The following ANK2 variants were observed in gnomAD, a reference collection of about 807,000 sequenced individuals.
ANK2 encodes ankyrin 2.
Under a neutral mutation model 360.5 loss-of-function variants are expected in ANK2, and 83 were observed. The observed-to-expected ratio is 0.23, with a 90% confidence interval of 0.19 to 0.28. The LOEUF (loss-of-function observed/expected upper bound fraction) is 0.28. Ranked by LOEUF, ANK2 falls within the 10% of genes least tolerant of loss-of-function variation. ANK2 has a pLI of 1.00. For synonymous variants in ANK2, 1,740 were observed against 1,759.5 expected (o/e 0.99, Z 0.28); for missense variants, 4,201 against 4,795.7 (o/e 0.88, Z 3.66).
intron 26 of ANK2, among the ~76,000 whole-genome samples, chr4:113,322,175 G>A (rs2086660670): frequency 6.6e-6 from 1 of 152,044 alleles, no homozygotes; most frequent in Non-Finnish European, 1.5e-5. Flanking sequence ...AAGCAGTATT[G>A]GTGATTTTAT....
chr4:112,915,070 G>T (rs1003781500), intron 2 of ANK2, among the ~76,000 whole-genome samples: 2 of 152,130 alleles, frequency 1.3e-5, no homozygotes, highest in African/African-American at 4.8e-5. Context: ...ACTAAATTTA[G>T]GGCCTATATG....
intron 1 of ANK2, among the ~76,000 whole-genome samples, chr4:112,878,722 C>T (rs1460356496): frequency 6.6e-6 from 1 of 152,124 alleles, no homozygotes; most frequent in African/African-American, 2.4e-5. Flanking sequence ...CAAGCTCCGC[C>T]TCTCGTGTTC....
At chr4:113,231,101 G>A (rs952628962) in intron 4 of ANK2, among the ~76,000 whole-genome samples, 1 of 151,032 alleles carries the variant, frequency 6.6e-6, no homozygotes, top group African/African-American at 2.4e-5. Context: ...ACCCAGGCTG[G>A]AGTGCAGTGG....
chr4:112,765,925 T>A, the ANK2 span, among the ~76,000 whole-genome samples: 9 of 152,332 alleles, frequency 5.9e-5, no homozygotes, highest in Non-Finnish European at 1.2e-4. Flanking sequence ...AAGAATTATC[T>A]TACCTAAAAT....
intron 1 of ANK2, among the ~76,000 whole-genome samples, chr4:112,885,810 A>AAT (rs2078197042): frequency 6.6e-6 from 1 of 151,150 alleles, no homozygotes; most frequent in Admixed American, 6.6e-5. Context: ...AAAAAAAAAA[A>AAT]AAAAAAAAAA....
At chr4:113,367,524 T>C in intron 41 of ANK2, 42 bp from the exon 42 acceptor site, 1 of 1,584,676 alleles carries the variant, frequency 6.3e-7, no homozygotes, top group Non-Finnish European at 8.7e-7. Context: ...CCATTCAATA[T>C]AGGTAAGCTT....
chr4:112,823,448 A>T (rs2057667477), intron 1 of ANK2, among the ~76,000 whole-genome samples: 1 of 152,158 alleles, frequency 6.6e-6, no homozygotes, highest in Non-Finnish European at 1.5e-5. Flanking sequence ...TTTAAGCTTC[A>T]GGTTATGGAG....
At chr4:113,197,735 A>G (rs945071097) in intron 3 of ANK2, among the ~76,000 whole-genome samples, 2 of 152,272 alleles carry the variant, frequency 1.3e-5, no homozygotes, top group African/African-American at 4.8e-5. Flanking sequence ...ACAAACTAAC[A>G]ACTGGCAATT....
At chr4:113,317,596 G>C (rs898607146) in intron 24 of ANK2, 111 bp from the exon 25 acceptor site, 2 of 784,924 alleles carry the variant, frequency 2.5e-6, no homozygotes, top group Non-Finnish European at 4.5e-6. Context: ...TGGAAGTTGT[G>C]CTGTTAGCTA....
chr4:113,362,929 A>G (rs149277742), intron 39 of ANK2, among the ~76,000 whole-genome samples: 2 of 152,340 alleles, frequency 1.3e-5, no homozygotes, highest in East Asian at 3.9e-4. Context: ...AACAGGATTT[A>G]TAATACTCAA....
intron 1 of ANK2, among the ~76,000 whole-genome samples, chr4:112,863,623 C>T (rs1432865051): frequency 5.3e-5 from 8 of 149,668 alleles, no homozygotes; most frequent in Admixed American, 4.7e-4. Context: ...CCCGGGTTCA[C>T]GCCATTCTCC....
At chr4:113,348,755 A>G (rs1433479497) in intron 36 of ANK2, among the ~76,000 whole-genome samples, 1 of 152,070 alleles carries the variant, frequency 6.6e-6, no homozygotes, top group African/African-American at 2.4e-5. Context: ...GCTATACTAC[A>G]TGTGATGATA....
intron 1 of ANK2, among the ~76,000 whole-genome samples, chr4:112,852,745 T>C (rs1352528806): frequency 6.6e-6 from 1 of 152,142 alleles, no homozygotes; most frequent in African/African-American, 2.4e-5. Flanking sequence ...TTTTCTTCGG[T>C]GAATCCCAAG....
Position 113,353,276 on chromosome 4 carries a change from A to G in ANK2, c.4658A>G (p.Glu1553Gly). The G allele has an allele frequency of 1.2e-6, 2 of 1,613,876 alleles. No individual in the cohort carries two copies. Among genetic ancestry groups the G allele is most frequent in the South Asian group, 1.1e-5 (1 of 91,074 alleles). Reference sequence around the variant, plus strand: ...CCAGGAGAGCCTTTTGAAATCGTTGAAAGAGTTAAAGAGGACTTAGAGAAA... The same window carrying G: ...CCAGGAGAGCCTTTTGAAATCGTTGGAAGAGTTAAAGAGGACTTAGAGAAA... ...EEPGEPFEIV[E>G]RVKEDLEKVN... Residue 1553 changes from glutamate to glycine, a missense_variant, in exon 38 of 46, where the codon GAA becomes GGA. By Grantham distance (98) the Glu-to-Gly change is moderately conservative (BLOSUM62 -2). Transcript: ENST00000357077.
At chr4:113,328,222 T>A (rs2091017616) in intron 26 of ANK2, among the ~76,000 whole-genome samples, 1 of 151,960 alleles carries the variant, frequency 6.6e-6, no homozygotes, top group Non-Finnish European at 1.5e-5. Context: ...TAGTTTGAGT[T>A]CCTGTCTGTG....
In ANK2 at chr4:113,198,991, A is replaced by G. The variant is rs560433315; in HGVS notation, c.286-20A>G. The G allele has an allele frequency of 8.2e-6, 13 of 1,585,856 alleles. No homozygotes were observed. The highest frequency in any genetic ancestry group is 1.7e-4 in the Middle Eastern group (1 of 6,020). Reference sequence around the variant, plus strand: ...AATTCAGAAACCTTGAACATTTTCTATTTTGTTTCTCCAAAACAGAAGGGA... The same window carrying G: ...AATTCAGAAACCTTGAACATTTTCTGTTTTGTTTCTCCAAAACAGAAGGGA... On this transcript the variant is annotated intron_variant, in intron 3 of 45. Transcript: ENST00000357077.
At chr4:112,830,333 T>C (rs149594589) in intron 1 of ANK2, among the ~76,000 whole-genome samples, 2 of 152,300 alleles carry the variant, frequency 1.3e-5, no homozygotes, top group East Asian at 3.9e-4. Context: ...ATGAATGAGA[T>C]CATGTCCTTT....
At chr4:113,120,394 A>C (rs1232144003) in intron 1 of ANK2, among the ~76,000 whole-genome samples, 1 of 152,126 alleles carries the variant, frequency 6.6e-6, no homozygotes, top group Non-Finnish European at 1.5e-5. Flanking sequence ...GGAGGATGCC[A>C]ACAAAAAATG....
rs1209687192 is a variant in ANK2 at position 113,358,740 on chromosome 4, T to G, written c.10122T>G (p.Pro3374=). 4 of 1,614,058 alleles carry G rather than the reference T, an allele frequency of 2.5e-6. No homozygotes were observed. Among genetic ancestry groups the G allele is most frequent in the Non-Finnish European group, 3.4e-6 (4 of 1,179,960 alleles). The change falls in exon 38 of 46, where the codon CCT becomes CCG. Residue 3374 remains proline, a synonymous_variant. Coordinates refer to ENST00000357077, the MANE Select transcript of ANK2 (RefSeq NM_001148.6). The stretch of plus-strand genomic sequence containing the variant: ...CCTCTGTCCAGAAGACAGTGGCTCC[T>G]CAGGGACAGGACATGGCAAGCATCG... The part of the protein sequence containing the change: ...LDTSVQKTVA[P]QGQDMASIAP...
Sources: allele counts gnomAD v4.1 joint callset (sites outside exome capture counted in the v4.1 genomes callset), GRCh38; gene constraint gnomAD v4.1.1; transcripts MANE v1.5; gene names NCBI Gene and HGNC (gene_info 2026-07-23, HGNC 2026-07-21).